Variants in RNF6 observed in about 807,000 individuals in gnomAD.
RNF6 encodes the protein E3 ubiquitin-protein ligase RNF6.
RNF6 carries 21 observed loss-of-function variants against 50.1 expected under a neutral mutation model. That is an observed-to-expected ratio of 0.42 (90% CI 0.30 to 0.60). The LOEUF is 0.60. RNF6 is among the 20% of genes least tolerant of loss of function. The probability of loss-of-function intolerance (pLI) is 0.20; values close to 1 mark genes in which losing one functional copy is unlikely to be tolerated. For missense variants in RNF6, 698 were observed against 838.2 expected, an observed-to-expected ratio of 0.83 and a Z score of 2.07; for synonymous variants, 255 against 291.8, an observed-to-expected ratio of 0.87 and a Z score of 1.29.
intron 5 of RNF6, among the ~76,000 whole-genome samples, chr13:26,138,593 G>T (rs919282627): frequency 6.6e-6 from 1 of 151,934 alleles, no homozygotes; most frequent in Non-Finnish European, 1.5e-5. Context: ...GATAATAATA[G>T]CAAAAAGAGG....
intron 5 of RNF6, among the ~76,000 whole-genome samples, chr13:26,148,994 G>A (rs1489600404): frequency 6.6e-6 from 1 of 151,824 alleles, no homozygotes; most frequent in African/African-American, 2.4e-5. Flanking sequence ...TAATTGATTG[G>A]ATAAAATCCA....
At chr13:26,198,512 C>T (rs1294190399) in intron 5 of RNF6, among the ~76,000 whole-genome samples, 1 of 151,846 alleles carries the variant, frequency 6.6e-6, no homozygotes, top group Admixed American at 6.6e-5. Flanking sequence ...ATAAACTAAC[C>T]ATCACAGCAT....
intron 5 of RNF6, among the ~76,000 whole-genome samples, chr13:26,135,768 A>T (rs1870616646): frequency 6.6e-6 from 1 of 152,136 alleles, no homozygotes; most frequent in Non-Finnish European, 1.5e-5. Context: ...TGTTTGCATC[A>T]TGGGGGTGGA....
intron 5 of RNF6, among the ~76,000 whole-genome samples, chr13:26,160,812 TAAAATGG>T (rs2137608789): frequency 6.6e-6 from 1 of 152,138 alleles, no homozygotes; most frequent in East Asian, 1.9e-4. Flanking sequence ...CTCCTGGACT[TAAAATGG>T]CCTCCTTCTT....
chr13:26,149,702 G>A (rs1424153167), intron 5 of RNF6, among the ~76,000 whole-genome samples: 3 of 151,760 alleles, frequency 2.0e-5, no homozygotes, highest in Non-Finnish European at 2.9e-5. Flanking sequence ...TGACTGAGAT[G>A]TGGCCTATGG....
At chr13:26,179,422 T>C (rs1258883058) in intron 5 of RNF6, among the ~76,000 whole-genome samples, 1 of 152,144 alleles carries the variant, frequency 6.6e-6, no homozygotes, top group African/African-American at 2.4e-5. Context: ...CTTCACACTG[T>C]AGCTGAGAGA....
intron 5 of RNF6, among the ~76,000 whole-genome samples, chr13:26,202,481 T>G (rs1232458876): frequency 6.6e-6 from 1 of 152,208 alleles, no homozygotes; most frequent in Non-Finnish European, 1.5e-5. Context: ...ATCAAAAAGT[T>G]TTGTGGCTAT....
intron 5 of RNF6, among the ~76,000 whole-genome samples, chr13:26,158,397 C>T (rs1468212307): frequency 6.6e-6 from 1 of 152,104 alleles, no homozygotes; most frequent in Non-Finnish European, 1.5e-5. Flanking sequence ...AGATCGTTGT[C>T]AGCATTCACA....
chr13:26,214,557 C>T lies in RNF6; in HGVS notation c.1325G>A (p.Arg442His), dbSNP rs771661980. The T allele has an allele frequency of 1.7e-5, 28 of 1,613,992 alleles. No homozygotes were observed. Among genetic ancestry groups the T allele is most frequent in the East Asian group, 4.5e-5 (2 of 44,894 alleles). Reference sequence around the variant, plus strand: ...CCGCTCTAAACGAGAAATGGTTCGGCGAAAGCCCCCACTATTGCTTTCAAT... The same window carrying T: ...CCGCTCTAAACGAGAAATGGTTCGGTGAAAGCCCCCACTATTGCTTTCAAT... The part of the protein sequence containing the change: ...VTIESNSGGF[R>H]RTISRLERSG... The change falls in exon 5 of 5, where the codon CGC becomes CAC. Residue 442 changes from arginine (R) to histidine (H), a missense_variant. Transcript: ENST00000381588.
At chr13:26,152,036 A>G (rs1308008083) in intron 5 of RNF6, among the ~76,000 whole-genome samples, 3 of 152,080 alleles carry the variant, frequency 2.0e-5, no homozygotes, top group Non-Finnish European at 4.4e-5. Flanking sequence ...TGCGGGTAAC[A>G]CACCAACCTC....
chr13:26,149,981 TGTGTATATATATATACACA>T (rs1476292428), intron 5 of RNF6, among the ~76,000 whole-genome samples: 9 of 124,964 alleles, frequency 7.2e-5, no homozygotes, highest in African/African-American at 3.0e-4. Context: ...GTATATATAA[TGTGTATATATATATACACA>T]GTGTATATAT....
intron 5 of RNF6, among the ~76,000 whole-genome samples, chr13:26,189,211 C>T (rs1873705388): frequency 6.6e-6 from 1 of 151,992 alleles, no homozygotes; most frequent in Non-Finnish European, 1.5e-5. Flanking sequence ...ACCTGTAGTC[C>T]CAGCTACTGG....
upstream of RNF6, among the ~76,000 whole-genome samples, chr13:26,222,954 G>GAA (rs1870657454): frequency 6.6e-6 from 1 of 152,172 alleles, no homozygotes; most frequent in Admixed American, 6.5e-5. Flanking sequence ...AAAGCAGTTT[G>GAA]AAACTCCCAA....
chr13:26,187,179 G>A (rs528318715), intron 5 of RNF6, among the ~76,000 whole-genome samples: 16 of 141,940 alleles, frequency 1.1e-4, no homozygotes, highest in African/African-American at 3.7e-4. Context: ...GCCTGAAGAC[G>A]GCTTGTACCG....
chr13:26,210,902 G>A (rs544024033), downstream of RNF6, among the ~76,000 whole-genome samples: 32 of 152,192 alleles, frequency 2.1e-4, no homozygotes, highest in Non-Finnish European at 3.8e-4. Context: ...AGAAAACAGG[G>A]TAAAAGGCTG....
chr13:26,219,374 AAAG>A (rs1272707568), intron 3 of RNF6, 80 bp downstream of exon 3: 1 of 1,186,060 alleles, frequency 8.4e-7, no homozygotes, highest in African/African-American at 1.5e-5. Context: ...AAGCAAGGAA[AAAG>A]AATACCAATT....
intron 5 of RNF6, among the ~76,000 whole-genome samples, chr13:26,140,172 GA>G (rs769587478): frequency 2.0e-5 from 3 of 152,152 alleles, no homozygotes; most frequent in Non-Finnish European, 4.4e-5. Context: ...ATACAAATGA[GA>G]ATTTCATTTC....
intron 5 of RNF6, among the ~76,000 whole-genome samples, chr13:26,172,602 G>C (rs1321273176): frequency 2.0e-5 from 3 of 150,932 alleles, no homozygotes; most frequent in Non-Finnish European, 2.9e-5. Context: ...GGAGTGCAGT[G>C]GCGCGATCTG....
At chr13:26,178,093 G>A (rs1251528688) in intron 5 of RNF6, among the ~76,000 whole-genome samples, 2 of 152,212 alleles carry the variant, frequency 1.3e-5, no homozygotes, top group Non-Finnish European at 1.5e-5. Flanking sequence ...GGAGGCTGAG[G>A]TGGGAGAATC....
Sources: allele counts gnomAD v4.1 joint callset (sites outside exome capture counted in the v4.1 genomes callset), GRCh38; gene constraint gnomAD v4.1.1; transcripts MANE v1.5; gene names NCBI Gene and HGNC (gene_info 2026-07-23, HGNC 2026-07-21).